Variants in GPR89B observed in about 807,000 individuals in gnomAD.
The protein encoded by GPR89B is G protein-coupled receptor 89B.
Under a neutral mutation model 52.4 loss-of-function variants are expected in GPR89B, and 25 were observed. The ratio of observed to expected loss-of-function variants is 0.48; its 90% CI spans 0.35 to 0.67. The LOEUF is 0.67. GPR89B is among the 30% of genes least tolerant of loss of function. GPR89B has a pLI of 0.01. For missense variants in GPR89B, 146 were observed against 450.2 expected, an observed-to-expected ratio of 0.32 and a Z score of 6.11; for synonymous variants, 52 against 151.2, an observed-to-expected ratio of 0.34 and a Z score of 4.81.
rs1345125123 is a variant in GPR89B at position 147,992,390 on chromosome 1, G to T, written c.1096-112G>T. ...TTAATCATATGAATTGTTCTATACA[G>T]GATTGTGGCATGGAAGAGACACTTT... On this transcript the variant is annotated intron_variant, in intron 12 of 13. Coordinates refer to ENST00000314163, the MANE Select transcript of GPR89B (RefSeq NM_016334.5). The T allele has an allele frequency of 4.0e-4, 316 of 784,538 alleles. No individual in the cohort carries two copies. The African/African-American group carries it at 4.2e-3, about 10-fold the overall frequency. 48.6% of individuals were successfully genotyped at this position (784,538 alleles called of 1,614,324 possible).
intron 10 of GPR89B, among the ~76,000 whole-genome samples, chr1:147,984,646 G>A (rs1402469622): frequency 1.3e-5 from 2 of 150,028 alleles, no homozygotes; most frequent in African/African-American, 2.5e-5. Context: ...TGATATAGGG[G>A]TTTTAATGCT....
At chr1:147,957,706 T>C (rs1478312482) in intron 7 of GPR89B, among the ~76,000 whole-genome samples, 37,010 of 149,874 alleles carry the variant, frequency 0.25, 5,030 homozygotes, top group East Asian at 0.43. Context: ...CATATTTCCT[T>C]CTTCAACACT....
intron 13 of GPR89B, 50 bp downstream of exon 13, chr1:147,992,617 T>A (rs1248031162): frequency 5.8e-5 from 94 of 1,610,866 alleles, no homozygotes; most frequent in Non-Finnish European, 7.9e-5. Flanking sequence ...ATATCAGAAA[T>A]GTGCTTGATA....
chr1:147,950,632 G>C (rs1655588907), intron 5 of GPR89B, among the ~76,000 whole-genome samples: 1 of 152,190 alleles, frequency 6.6e-6, no homozygotes, highest in East Asian at 1.9e-4. Flanking sequence ...CTGCACTCCA[G>C]CCTGGGCACC....
At chr1:148,021,451 G>A in the GPR89B span, among the ~76,000 whole-genome samples, 44 of 152,020 alleles carry the variant, frequency 2.9e-4, no homozygotes, top group African/African-American at 1.0e-3. Context: ...GCAGTGAGCC[G>A]AGATCGCGCC....
chr1:147,955,535 G>C (rs1273713192), intron 7 of GPR89B, among the ~76,000 whole-genome samples: 1 of 151,738 alleles, frequency 6.6e-6, no homozygotes, highest in Non-Finnish European at 1.5e-5. Context: ...AATGTAATAG[G>C]GTTTCCTTTT....
chr1:147,961,768 G>A (rs1489864654), intron 7 of GPR89B, among the ~76,000 whole-genome samples: 12 of 152,030 alleles, frequency 7.9e-5, no homozygotes, highest in South Asian at 2.1e-4. Flanking sequence ...AACAAAACAT[G>A]TATATAGGAC....
chr1:148,004,136 A>C, the GPR89B span, among the ~76,000 whole-genome samples: 2 of 143,296 alleles, frequency 1.4e-5, no homozygotes, highest in Admixed American at 6.9e-5. Context: ...ATGCCCTACC[A>C]GCTAACTGAT....
the GPR89B span, chr1:148,011,285 C>G: frequency 6.6e-6 from 1 of 152,238 alleles, no homozygotes; most frequent in Non-Finnish European, 1.5e-5. Flanking sequence ...ATTCTCTGTG[C>G]TGGATCTAAT....
At chr1:147,931,937 GCTTT>G (rs1182188731) in intron 1 of GPR89B, among the ~76,000 whole-genome samples, 2 of 152,066 alleles carry the variant, frequency 1.3e-5, no homozygotes, top group Non-Finnish European at 2.9e-5. Context: ...GTCTTTTTAA[GCTTT>G]CTTTGTCAAT....
At chr1:148,015,778 TA>T in the GPR89B span, among the ~76,000 whole-genome samples, 2 of 149,054 alleles carry the variant, frequency 1.3e-5, no homozygotes, top group East Asian at 4.0e-4. Flanking sequence ...GCCACTGGTG[TA>T]TTTCTATAGG....
the GPR89B span, among the ~76,000 whole-genome samples, chr1:148,007,027 TTC>T: frequency 6.6e-6 from 1 of 151,720 alleles, no homozygotes; most frequent in Non-Finnish European, 1.5e-5. Context: ...ACTTTACAGC[TTC>T]TCTTTGTCAT....
intron 10 of GPR89B, among the ~76,000 whole-genome samples, chr1:147,982,168 T>C (rs1342273077): frequency 6.6e-6 from 1 of 151,880 alleles, no homozygotes; most frequent in African/African-American, 2.4e-5. Context: ...CAAGCAATTC[T>C]CCTGCCTCAG....
chr1:148,025,290 A>G, the GPR89B span, among the ~76,000 whole-genome samples: 1 of 151,988 alleles, frequency 6.6e-6, no homozygotes, highest in East Asian at 1.9e-4. Context: ...TAGAATGAGC[A>G]ATAATAGCAG....
rs1188938209 is a variant in GPR89B, at chr1:147,938,832, T to C, written c.206+15T>C. ...TTGAATAGCAGGTGAGTAAGAGTAC[T>C]GAAAACTCCTCTTGAAGAGTTCTGT... On this transcript the variant is annotated intron_variant, in intron 3 of 13. Transcript: ENST00000314163. 1.4e-6 allele frequency: 2 copies of C among 1,476,818 alleles called. No homozygotes were observed. The highest frequency in any genetic ancestry group is 3.0e-5 in the African/African-American group (2 of 66,528). The allele number at this position is 1,476,818 out of a possible 1,614,324, so 91.5% of individuals were successfully genotyped here.
At chr1:148,025,249 G>A in the GPR89B span, among the ~76,000 whole-genome samples, 2 of 151,704 alleles carry the variant, frequency 1.3e-5, no homozygotes, top group Non-Finnish European at 2.9e-5. Flanking sequence ...CATAAGCCAG[G>A]CACTTCGGCT....
chr1:147,968,709 G>A, intron 8 of GPR89B, 166 bp from the exon 9 acceptor site: 1 of 953,348 alleles, frequency 1.0e-6, no homozygotes, highest in African/African-American at 1.6e-5. Flanking sequence ...TGCGTCAGAG[G>A]TTGGGAAAGT....
chr1:147,956,741 ATT>A (rs1217901037), intron 7 of GPR89B, among the ~76,000 whole-genome samples: 6 of 144,712 alleles, frequency 4.1e-5, no homozygotes, highest in African/African-American at 1.3e-4. Flanking sequence ...GTCTATTGTG[ATT>A]TTTTTTTTTT....
At position 147,992,537 on chromosome 1, in the gene GPR89B, T is replaced by A; in HGVS notation, c.1131T>A (p.Asn377Lys). 1.9e-6 allele frequency: 3 copies of A among 1,611,688 alleles called. No homozygotes were observed. The highest frequency in any genetic ancestry group is 2.5e-6 in the Non-Finnish European group (3 of 1,179,628). ...CCATCTCTAGCAGTAAGTCCTCCAA[T>A]GTCATTGTCCTGCTATTAGCACAGA... is the stretch of plus-strand genomic sequence containing the variant. ...FYAISSSKSS[N>K]VIVLLLAQIM... The change falls in exon 13 of 14, where the codon AAT becomes AAA. Residue 377 changes from asparagine to lysine, a missense_variant. By Grantham distance (94) the Asn-to-Lys change is moderately conservative. Coordinates refer to ENST00000314163, the MANE Select transcript of GPR89B (RefSeq NM_016334.5).
Sources: gnomAD v4.1 joint callset for allele counts (sites outside exome capture counted in the v4.1 genomes callset) on GRCh38, gnomAD v4.1.1 for gene constraint, MANE v1.5 for transcripts, NCBI Gene and HGNC (gene_info 2026-07-23, HGNC 2026-07-21) for gene names.